The following ADGRG4 variants were observed in gnomAD, a reference collection of about 807,000 sequenced individuals.
ADGRG4 encodes the protein G protein-coupled receptor 112.
Under a neutral mutation model 126.2 loss-of-function variants are expected in ADGRG4, and 122 were observed. The observed-to-expected ratio is 0.97, with a 90% CI of 0.83 to 1.12. The LOEUF (loss-of-function observed/expected upper bound fraction) is 1.12. Among genes scored for constraint, ADGRG4 ranks in the 50% most tolerant of loss-of-function variants. The pLI, the probability that ADGRG4 is intolerant of heterozygous loss-of-function variation, is 0.00. For synonymous variants in ADGRG4, 943 were observed against 838.7 expected, an observed-to-expected ratio of 1.12 and a Z score of -2.15; for missense variants, 2,481 against 2,251.8, an observed-to-expected ratio of 1.10 and a Z score of -2.06.
chrX:136,401,028 A>G, intron 21 of ADGRG4, among the ~76,000 whole-genome samples: 1 of 111,358 alleles, frequency 9.0e-6, no homozygotes, highest in South Asian at 3.8e-4. Flanking sequence ...TGAAGACAAT[A>G]CTCTCCTGAT....
At chrX:136,403,349 G>A (rs1246832230) in intron 22 of ADGRG4, 27 bp downstream of exon 22, 11 of 1,110,598 alleles carry the variant, frequency 9.9e-6, no homozygotes, top group Non-Finnish European at 1.4e-5. Context: ...CTGTTTCTCT[G>A]GTGGTGGGGC....
At chrX:136,361,135 G>A (rs1227684136) in intron 11 of ADGRG4, among the ~76,000 whole-genome samples, 5 of 109,856 alleles carry the variant, frequency 4.6e-5, no homozygotes, top group Non-Finnish European at 9.5e-5. Flanking sequence ...ATAGCAAGAC[G>A]CTGTCTGTAC....
chrX:136,324,986 C>T (rs778277682), intron 5 of ADGRG4, among the ~76,000 whole-genome samples: 1 of 111,924 alleles, frequency 8.9e-6, no homozygotes, highest in East Asian at 2.8e-4. Context: ...TGTCTCCTCT[C>T]GAGTTTGGGG....
At chrX:136,352,027 A>G (rs1385029872) in intron 7 of ADGRG4, among the ~76,000 whole-genome samples, 1 of 111,935 alleles carries the variant, frequency 8.9e-6, no homozygotes, top group Admixed American at 9.5e-5. Flanking sequence ...AGACATTGAC[A>G]TCAAAAACCC....
intron 15 of ADGRG4, among the ~76,000 whole-genome samples, chrX:136,376,453 T>C (rs753828674): frequency 1.8e-5 from 2 of 112,085 alleles, no homozygotes; most frequent in African/African-American, 6.5e-5. Flanking sequence ...TTGGTGGGAA[T>C]TGCATTATCT....
chrX:136,379,988 A>G (rs1252791735), intron 15 of ADGRG4, among the ~76,000 whole-genome samples: 1 of 111,693 alleles, frequency 9.0e-6, no homozygotes, highest in Non-Finnish European at 1.9e-5. Flanking sequence ...CATTGTATGT[A>G]TTTACCACAC....
intron 5 of ADGRG4, among the ~76,000 whole-genome samples, chrX:136,337,513 T>A (rs948091866): frequency 8.9e-6 from 1 of 112,635 alleles, no homozygotes; most frequent in East Asian, 2.8e-4. Flanking sequence ...GGTATCTTAA[T>A]TTTCCTTCAT....
rs1273988146 is a variant in ADGRG4, at chrX:136,345,666, A to C, written c.1960A>C (p.Thr654Pro). The C allele has an allele frequency of 8.3e-7, 1 of 1,208,819 alleles. No homozygotes were observed. Among genetic ancestry groups the C allele is most frequent in the Non-Finnish European group, 1.1e-6 (1 of 894,356 alleles). Reference sequence around the variant, plus strand: ...TGCCCATCTGTTCTCCAGCAATGAGACCATTTGGACTTCTAGGCCAGACCA... The same window carrying C: ...TGCCCATCTGTTCTCCAGCAATGAGCCCATTTGGACTTCTAGGCCAGACCA... Reference protein sequence around the residue: ...EAAHLFSSNETIWTSRPDQAL... With the variant: ...EAAHLFSSNEPIWTSRPDQAL... The change falls in exon 6 of 26, where the codon ACC (threonine) becomes CCC (proline). Residue 654 changes from threonine (T) to proline (P), a missense_variant. Physicochemically the swap from Thr to Pro is conservative, Grantham distance 38. Coordinates refer to ENST00000394143, the MANE Select transcript of ADGRG4 (RefSeq NM_153834.4).
At chrX:136,334,060 G>A (rs2074931334) in intron 5 of ADGRG4, among the ~76,000 whole-genome samples, 1 of 108,138 alleles carries the variant, frequency 9.2e-6, no homozygotes, top group South Asian at 4.0e-4. Flanking sequence ...GTGAGGTGTA[G>A]GTTGAGGTTC....
intron 23 of ADGRG4, among the ~76,000 whole-genome samples, chrX:136,411,963 C>A (rs1174627169): frequency 8.9e-6 from 1 of 112,963 alleles, no homozygotes; most frequent in Non-Finnish European, 1.9e-5. Context: ...AAGTAAACTA[C>A]ACAAGGATGT....
At position 136,349,965 on chromosome X, in the gene ADGRG4, T is replaced by A; in HGVS notation, c.6259T>A (p.Ser2087Thr). Residue 2087 changes from serine (S) to threonine (T), a missense_variant, in exon 6 of 26, where the codon TCT (serine) becomes ACT (threonine). Physicochemically the swap from Ser to Thr is moderately conservative, Grantham distance 58. Coordinates refer to ENST00000394143, the MANE Select transcript of ADGRG4 (RefSeq NM_153834.4). ...LGGITTGFPTSLPMSINVTDD... is the reference protein window; with the variant it reads ...LGGITTGFPTTLPMSINVTDD... The stretch of plus-strand genomic sequence containing the variant: ...TGGTATCACTACTGGCTTCCCAACT[T>A]CTCTCCCTATGTCTATAAATGTCAC... 8.3e-7 allele frequency: 1 copy of A among 1,209,570 alleles called. No individual in the cohort carries two copies. Among genetic ancestry groups the A allele is most frequent in the East Asian group, 3.0e-5 (1 of 33,785 alleles).
chrX:136,311,279 A>G (rs1306570005), intron 4 of ADGRG4, among the ~76,000 whole-genome samples: 2 of 110,609 alleles, frequency 1.8e-5, no homozygotes, highest in African/African-American at 3.3e-5. Context: ...CATTCAGTCC[A>G]TAACATGATT....
At position 136,346,528 on chromosome X, in the gene ADGRG4, G is replaced by A; in HGVS notation, c.2822G>A (p.Trp941Ter). 1 of 1,209,142 alleles carries A rather than the reference G, an allele frequency of 8.3e-7. No homozygotes were observed. The highest frequency in any genetic ancestry group is 1.8e-5 in the South Asian group (1 of 56,607). Residue 941 changes from tryptophan (W) to a stop codon, truncating the protein, a stop_gained, in exon 6 of 26, where the codon TGG (tryptophan) becomes TAG (stop). Transcript: ENST00000394143. LOFTEE classifies it high-confidence loss of function. ...TTTAACCACACCTATGTAGCACATT[G>A]GACTTCAGAGACATCTGAGGGAATT... Reference protein sequence around the residue: ...FNFNHTYVAHWTSETSEGISA... With the variant: ...FNFNHTYVAH
chrX:136,325,096 G>A (rs1569316950), intron 5 of ADGRG4, among the ~76,000 whole-genome samples: 3 of 112,090 alleles, frequency 2.7e-5, no homozygotes, highest in Non-Finnish European at 5.6e-5. Flanking sequence ...CAGGTAGTCA[G>A]TGATAATAGC....
At chrX:136,331,683 A>G (rs900387838) in intron 5 of ADGRG4, among the ~76,000 whole-genome samples, 1 of 111,699 alleles carries the variant, frequency 9.0e-6, no homozygotes, top group Non-Finnish European at 1.9e-5. Flanking sequence ...GATGTTGAAC[A>G]TCTTTTCCTG....
intron 5 of ADGRG4, among the ~76,000 whole-genome samples, chrX:136,343,399 T>C (rs1257099714): frequency 9.0e-6 from 1 of 111,113 alleles, no homozygotes; most frequent in African/African-American, 3.3e-5. Flanking sequence ...GAGCTCAAAA[T>C]AGAGCAAAAT....
In ADGRG4 at chrX:136,344,651, G is replaced by A; in HGVS notation, c.945G>A (p.Val315=). The change falls in exon 6 of 26, where the codon GTG becomes GTA. Residue 315 remains valine, a synonymous_variant. Coordinates refer to ENST00000394143, the MANE Select transcript of ADGRG4 (RefSeq NM_153834.4). ...TLVDETATFA[V]DVLSTSSAIS... is the part of the protein sequence containing the mutation. ...TAGATGAGACAGCTACATTTGCAGTGGATGTTTTATCAACTTCATCAGCCA... is the reference window on the plus strand; with the variant it reads ...TAGATGAGACAGCTACATTTGCAGTAGATGTTTTATCAACTTCATCAGCCA... 2.5e-6 allele frequency: 3 copies of A among 1,209,979 alleles called. No individual in the cohort carries two copies. Among genetic ancestry groups the A allele is most frequent in the South Asian group, 1.8e-5 (1 of 56,935 alleles).
intron 5 of ADGRG4, among the ~76,000 whole-genome samples, chrX:136,330,337 A>G (rs926567802): frequency 9.0e-6 from 1 of 110,625 alleles, no homozygotes; most frequent in African/African-American, 3.3e-5. Context: ...TGTCATTTCA[A>G]CAATATTATA....
In ADGRG4 at chrX:136,347,727, C is replaced by T; in HGVS notation, c.4021C>T (p.Pro1341Ser). ...SPTSGSTQIT[P>S]TLTSSNTVGV... ...CACTTCTGGAAGCACACAGATTACA[C>T]CAACCTTGACCTCAAGTAACACAGT... The change falls in exon 6 of 26, where the codon CCA becomes TCA. Residue 1341 changes from proline to serine, a missense_variant. Physicochemically the swap from Pro to Ser is moderately conservative, Grantham distance 74. Transcript: ENST00000394143. 2 of 1,210,264 alleles carry T rather than the reference C, an allele frequency of 1.7e-6. No individual in the cohort carries two copies. Among genetic ancestry groups the T allele is most frequent in the Non-Finnish European group, 2.2e-6 (2 of 894,318 alleles).
Sources: allele counts gnomAD v4.1 joint callset (sites outside exome capture counted in the v4.1 genomes callset), GRCh38; gene constraint gnomAD v4.1.1; transcripts MANE v1.5; gene names NCBI Gene and HGNC (gene_info 2026-07-23, HGNC 2026-07-21).